Variants in DLC1 observed in about 807,000 individuals in gnomAD.
DLC1 encodes the protein DLC1 Rho GTPase activating protein, also known as rho GTPase-activating protein 7.
DLC1 carries 54 observed loss-of-function variants against 140.3 expected under a neutral mutation model. The observed-to-expected ratio is 0.38, with a 90% CI of 0.31 to 0.48. DLC1 has a LOEUF of 0.48. DLC1 is among the 20% of genes least tolerant of loss of function. The probability of loss-of-function intolerance (pLI) is 0.96; values close to 1 mark genes in which losing one functional copy is unlikely to be tolerated. For synonymous variants in DLC1, 986 were observed against 728.1 expected (o/e 1.35, Z -5.70); for missense variants, 2,536 against 1,907.0 (o/e 1.33, Z -6.14).
At chr8:13,160,014 C>T (rs879761886) in intron 5 of DLC1, among the ~76,000 whole-genome samples, 2 of 152,060 alleles carry the variant, frequency 1.3e-5, no homozygotes, top group Non-Finnish European at 2.9e-5. Flanking sequence ...AAAAATTAGC[C>T]GGGTGTCCTG....
At chr8:13,321,026 G>T (rs891306854) in intron 4 of DLC1, among the ~76,000 whole-genome samples, 1 of 152,052 alleles carries the variant, frequency 6.6e-6, no homozygotes. Context: ...TTCTTGTACA[G>T]CCCGCAGAAC....
chr8:13,479,766 C>A (rs879404767), intron 2 of DLC1, among the ~76,000 whole-genome samples: 1 of 17,042 alleles, frequency 5.9e-5, no homozygotes, highest in African/African-American at 1.1e-4. Flanking sequence ...GAATCTGTCT[C>A]AGAAAGAAAG....
At chr8:13,565,269 C>G (rs1455803405) in intron 1 of DLC1, among the ~76,000 whole-genome samples, 1 of 152,016 alleles carries the variant, frequency 6.6e-6, no homozygotes, top group East Asian at 1.9e-4. Context: ...GACAGATTAC[C>G]CCAGACATTT....
chr8:13,381,035 G>T lies in DLC1; in HGVS notation c.1314+12518C>A, dbSNP rs541118236. 3.9e-5 allele frequency among the ~76,000 whole-genome samples: 6 copies of T among 152,316 alleles called. 1 individual carries two copies. In the South Asian group the frequency reaches 1.2e-3, roughly 32 times the overall value. On this transcript the variant is annotated intron_variant, in intron 4 of 17. Coordinates refer to ENST00000276297, the MANE Select transcript of DLC1 (RefSeq NM_182643.3). ...AAAGGGACTTCAAAGGGACCTTATA[G>T]ACATGGAGGGCTTGACATGAGTCCC... is the stretch of plus-strand genomic sequence containing the variant.
intron 4 of DLC1, among the ~76,000 whole-genome samples, chr8:13,385,534 A>C (rs905976174): frequency 2.6e-5 from 4 of 152,190 alleles, no homozygotes; most frequent in African/African-American, 7.2e-5. Flanking sequence ...GTCAAGGATA[A>C]AGGAGGTTTT....
intron 1 of DLC1, among the ~76,000 whole-genome samples, chr8:13,578,345 G>A (rs750798008): frequency 7.2e-5 from 11 of 152,168 alleles, no homozygotes; most frequent in African/African-American, 9.6e-5. Flanking sequence ...CTGTGTTTTC[G>A]TACTCTCTTA....
intron 5 of DLC1, among the ~76,000 whole-genome samples, chr8:13,188,229 C>T (rs534309077): frequency 4.6e-5 from 7 of 151,120 alleles, no homozygotes; most frequent in Admixed American, 1.3e-4. Flanking sequence ...TTACAGGTGC[C>T]GGCCACCATG....
intron 2 of DLC1, among the ~76,000 whole-genome samples, chr8:13,492,913 G>T (rs984328808): frequency 6.6e-6 from 1 of 152,210 alleles, no homozygotes; most frequent in African/African-American, 2.4e-5. Flanking sequence ...AGGTTAAATG[G>T]CATGAAATTA....
At chr8:13,283,952 A>C (rs1045964128) in intron 5 of DLC1, among the ~76,000 whole-genome samples, 5 of 152,144 alleles carry the variant, frequency 3.3e-5, no homozygotes, top group African/African-American at 1.2e-4. Flanking sequence ...TTGGCTGAAC[A>C]CGGATTGCCA....
intron 2 of DLC1, among the ~76,000 whole-genome samples, chr8:13,433,990 C>T (rs1292706041): frequency 2.0e-5 from 3 of 152,036 alleles, no homozygotes; most frequent in Admixed American, 6.6e-5. Context: ...CGAGCAGCTG[C>T]GATTACAGGC....
chr8:13,519,692 A>G (rs1225727980), upstream of DLC1, among the ~76,000 whole-genome samples: 3 of 152,220 alleles, frequency 2.0e-5, no homozygotes, highest in East Asian at 5.8e-4. Flanking sequence ...TGCTTTTTGG[A>G]CTACTGATGT....
chr8:13,178,181 A>G (rs1825853040), intron 5 of DLC1, among the ~76,000 whole-genome samples: 1 of 152,200 alleles, frequency 6.6e-6, no homozygotes, highest in African/African-American at 2.4e-5. Context: ...TATACCTTTT[A>G]GAGGAAAAGT....
chr8:13,122,506 C>G (rs1377454123), intron 5 of DLC1, among the ~76,000 whole-genome samples: 1 of 151,828 alleles, frequency 6.6e-6, no homozygotes, highest in Non-Finnish European at 1.5e-5. Context: ...AAAAAAAAAT[C>G]TATTACTATT....
intron 5 of DLC1, among the ~76,000 whole-genome samples, chr8:13,239,781 A>G (rs1157158420): frequency 6.6e-6 from 1 of 152,180 alleles, no homozygotes; most frequent in Non-Finnish European, 1.5e-5. Flanking sequence ...CCAGAAGAAG[A>G]CTGTCAAAAT....
At chr8:13,227,586 T>A (rs1431145856) in intron 5 of DLC1, among the ~76,000 whole-genome samples, 1 of 152,186 alleles carries the variant, frequency 6.6e-6, no homozygotes, top group East Asian at 1.9e-4. Context: ...AGTAAATTAG[T>A]GGTAGCCTCT....
At chr8:13,409,913 T>C (rs960485081) in intron 2 of DLC1, among the ~76,000 whole-genome samples, 1 of 152,104 alleles carries the variant, frequency 6.6e-6, no homozygotes, top group African/African-American at 2.4e-5. Context: ...TATGTGTTTT[T>C]AAAAAGTTCC....
At chr8:13,103,839 C>CAAAAAAAAAAAAAAAAAA (rs1002564334) in intron 7 of DLC1, among the ~76,000 whole-genome samples, 1 of 60,806 alleles carries the variant, frequency 1.6e-5, no homozygotes, top group African/African-American at 5.0e-5. Flanking sequence ...GACTCCATCT[C>CAAAAAAAAAAAAAAAAAA]AAAAAAAAAA....
chr8:13,576,584 G>T (rs1804845484), intron 1 of DLC1, among the ~76,000 whole-genome samples: 1 of 152,138 alleles, frequency 6.6e-6, no homozygotes, highest in Non-Finnish European at 1.5e-5. Flanking sequence ...ATTTCTTACA[G>T]ATAGAGAAGT....
intron 2 of DLC1, among the ~76,000 whole-genome samples, chr8:13,402,874 C>T (rs1247759617): frequency 2.0e-5 from 3 of 152,118 alleles, no homozygotes; most frequent in Non-Finnish European, 4.4e-5. Flanking sequence ...GTGGGTTAAT[C>T]TAATTTTATA....
Sources: gnomAD v4.1 joint callset for allele counts (sites outside exome capture counted in the v4.1 genomes callset) on GRCh38, gnomAD v4.1.1 for gene constraint, MANE v1.5 for transcripts, NCBI Gene and HGNC (gene_info 2026-07-23, HGNC 2026-07-21) for gene names.